The following RALGPS1 variants were observed in gnomAD, a reference collection of about 807,000 sequenced individuals.
RALGPS1 encodes Ral GEF with PH domain and SH3 binding motif 1, also known as ras-specific guanine nucleotide-releasing factor RalGPS1.
Under a neutral mutation model 78.8 loss-of-function variants are expected in RALGPS1, and 19 were observed. The ratio of observed to expected loss-of-function variants is 0.24; its 90% CI spans 0.17 to 0.35. The LOEUF is 0.35. Ranked by LOEUF, RALGPS1 falls within the 10% of genes least tolerant of loss-of-function variation. The pLI is 1.00. For missense variants in RALGPS1, 454 were observed against 688.3 expected, an observed-to-expected ratio of 0.66 and a Z score of 3.81; for synonymous variants, 228 against 256.3, an observed-to-expected ratio of 0.89 and a Z score of 1.06.
chr9:127,008,205 G>A (rs2044028506), intron 4 of RALGPS1, among the ~76,000 whole-genome samples: 1 of 151,936 alleles, frequency 6.6e-6, no homozygotes, highest in African/African-American at 2.4e-5. Context: ...TGCACATGTT[G>A]AGTTGGAAGT....
At chr9:127,134,080 G>A (rs1207252473) in intron 8 of RALGPS1, among the ~76,000 whole-genome samples, 3 of 151,794 alleles carry the variant, frequency 2.0e-5, no homozygotes, top group African/African-American at 7.3e-5. Context: ...ATTCACGGCC[G>A]CCATCCAGCT....
At chr9:126,939,414 T>A (rs191638821) in intron 1 of RALGPS1, among the ~76,000 whole-genome samples, 19 of 152,328 alleles carry the variant, frequency 1.2e-4, no homozygotes, top group Non-Finnish European at 2.1e-4. Context: ...TTTGAACATG[T>A]ATCCCATGCC....
intron 8 of RALGPS1, among the ~76,000 whole-genome samples, chr9:127,092,844 G>C (rs998848276): frequency 1.2e-4 from 18 of 152,050 alleles, no homozygotes; most frequent in Non-Finnish European, 1.9e-4. Context: ...GTGGGGTGGG[G>C]GACAACCAGG....
In RALGPS1 at chr9:127,052,867, C is replaced by T. The variant is rs1389736547; in HGVS notation, c.411C>T (p.Asn137=). 1.2e-6 allele frequency: 2 copies of T among 1,608,232 alleles called. No individual in the cohort carries two copies. The highest frequency in any genetic ancestry group is 1.7e-6 in the Non-Finnish European group (2 of 1,174,942). The part of the protein sequence containing the change: ...KIAKKLLELN[N]LHSLMSVVSA... ...TTCAGAAACTTCTAGAACTCAACAA[C>T]CTTCATTCTCTCATGTCTGTGGTAT... The change falls in exon 7 of 19, where the codon AAC becomes AAT. Residue 137 remains asparagine, a synonymous_variant. Coordinates refer to ENST00000259351, the MANE Select transcript of RALGPS1 (RefSeq NM_014636.3).
chr9:127,084,853 C>T (rs986335689), intron 8 of RALGPS1, among the ~76,000 whole-genome samples: 5 of 152,222 alleles, frequency 3.3e-5, no homozygotes, highest in African/African-American at 7.2e-5. Context: ...GCAGAAAGAG[C>T]GCCTTTTAGA....
At chr9:127,115,177 C>T (rs528717888) in intron 8 of RALGPS1, among the ~76,000 whole-genome samples, 7 of 151,640 alleles carry the variant, frequency 4.6e-5, no homozygotes, top group African/African-American at 1.2e-4. Context: ...TGTTGTCTTA[C>T]GTAATTATTA....
At chr9:127,013,490 T>G (rs2133954212) in intron 4 of RALGPS1, among the ~76,000 whole-genome samples, 2 of 152,170 alleles carry the variant, frequency 1.3e-5, no homozygotes, top group Middle Eastern at 6.8e-3. Context: ...ACGCCCCCTC[T>G]CTCTCCCACA....
intron 1 of RALGPS1, among the ~76,000 whole-genome samples, chr9:126,951,012 A>G (rs1309710351): frequency 6.6e-6 from 1 of 152,264 alleles, no homozygotes; most frequent in Non-Finnish European, 1.5e-5. Flanking sequence ...CAGAAATACA[A>G]GCTACCATCA....
chr9:127,186,794 G>T (rs1432264546), intron 11 of RALGPS1, among the ~76,000 whole-genome samples: 1 of 152,232 alleles, frequency 6.6e-6, no homozygotes, highest in Non-Finnish European at 1.5e-5. Context: ...CTCCAGTTGG[G>T]TCAAGGGGCA....
At position 127,222,506 on chromosome 9, in the gene RALGPS1, C is replaced by T. The variant is rs2062798404; in HGVS notation, c.*3737C>T. On this transcript the variant is annotated 3_prime_UTR_variant, in exon 19 of 19. Coordinates refer to ENST00000259351, the MANE Select transcript of RALGPS1 (RefSeq NM_014636.3). ...ATGTTAAATACAACTACAATATGAG[C>T]GAGAACTGCATTTTCTTGGGTGTTG... 1 of 152,330 alleles carries T rather than the reference C, an allele frequency of 6.6e-6. No homozygotes were observed. The highest frequency in any genetic ancestry group is 1.9e-4 in the East Asian group (1 of 5,194). The allele number at this position is 152,330 out of a possible 1,614,324, so 9.4% of individuals were successfully genotyped here.
intron 8 of RALGPS1, among the ~76,000 whole-genome samples, chr9:127,165,372 C>T (rs1250685992): frequency 6.6e-6 from 1 of 152,238 alleles, no homozygotes; most frequent in Non-Finnish European, 1.5e-5. Context: ...AGTTTGTCCT[C>T]AAATCCCCCC....
chr9:127,174,825 C>G (rs754813742), intron 11 of RALGPS1, 43 bp downstream of exon 11: 3 of 1,574,542 alleles, frequency 1.9e-6, no homozygotes, highest in Non-Finnish European at 2.6e-6. Context: ...ACTTAATAGC[C>G]TAATTGTGGC....
intron 4 of RALGPS1, among the ~76,000 whole-genome samples, chr9:127,028,671 G>A (rs1034576976): frequency 1.1e-4 from 16 of 152,104 alleles, no homozygotes; most frequent in Non-Finnish European, 1.9e-4. Context: ...TCCCCTTTGA[G>A]CATTATTTAA....
At chr9:127,188,832 T>TTAAAATAAAAAAAAAAA (rs756481918) in intron 11 of RALGPS1, among the ~76,000 whole-genome samples, 1 of 87,472 alleles carries the variant, frequency 1.1e-5, no homozygotes, top group African/African-American at 4.3e-5. Context: ...CCATCTCTAC[T>TTAAAATAAAAAAAAAAA]AAAAAAAAAA....
intron 4 of RALGPS1, among the ~76,000 whole-genome samples, chr9:127,006,741 G>A (rs974315888): frequency 2.0e-5 from 3 of 152,168 alleles, no homozygotes; most frequent in Non-Finnish European, 4.4e-5. Context: ...GCTGCTCAGT[G>A]GTGGAGTTAG....
intron 3 of RALGPS1, among the ~76,000 whole-genome samples, chr9:126,975,391 T>G (rs1156810782): frequency 6.6e-6 from 1 of 152,210 alleles, no homozygotes; most frequent in Non-Finnish European, 1.5e-5. Context: ...ACCCTAGAAC[T>G]GGTGGCAGGA....
chr9:127,069,558 G>A (rs1263020702), intron 8 of RALGPS1: 9 of 530,016 alleles, frequency 1.7e-5, no homozygotes, highest in South Asian at 9.3e-5. Flanking sequence ...TACAAGTGAT[G>A]TTCTGCTTTT....
chr9:126,983,133 C>T (rs531119651), intron 4 of RALGPS1, among the ~76,000 whole-genome samples: 5 of 151,802 alleles, frequency 3.3e-5, no homozygotes, highest in African/African-American at 1.2e-4. Flanking sequence ...GATGGGGTTT[C>T]ACCACGTTGG....
intron 8 of RALGPS1, chr9:127,108,335 G>A (rs777755421): frequency 3.1e-6 from 5 of 1,613,080 alleles, no homozygotes; most frequent in Admixed American, 1.7e-5. Context: ...TGCGTGACCC[G>A]CGAGTTCATG....
Sources: allele counts gnomAD v4.1 joint callset (sites outside exome capture counted in the v4.1 genomes callset), GRCh38; gene constraint gnomAD v4.1.1; transcripts MANE v1.5; gene names NCBI Gene and HGNC (gene_info 2026-07-23, HGNC 2026-07-21).